EXOC1: variants seen among roughly 807,000 people sequenced by gnomAD.
The protein encoded by EXOC1 is exocyst complex component 1, also known as SEC3-like 1.
EXOC1 carries 67 observed loss-of-function variants against 107.7 expected under a neutral mutation model. The ratio of observed to expected loss-of-function variants is 0.62; its 90% CI spans 0.51 to 0.76. EXOC1 has a LOEUF of 0.76. Among genes scored for constraint, EXOC1 ranks in the 30% least tolerant of loss-of-function variants. The pLI, the probability that EXOC1 is intolerant of heterozygous loss-of-function variation, is 0.00. For synonymous variants in EXOC1, 348 were observed against 353.5 expected, an observed-to-expected ratio of 0.98 and a Z score of 0.17; for missense variants, 833 against 1,055.7, an observed-to-expected ratio of 0.79 and a Z score of 2.92.
At position 55,855,912 on chromosome 4, in the gene EXOC1, A is replaced by G. The variant is rs940591488; in HGVS notation, c.-11+1959A>G. ...GCCAAAAGGAGGAGAGGTTGGGTGA[A>G]GGTGTGGAGAGACGGAGAAGCAAGC... On this transcript the variant is annotated intron_variant, in intron 1 of 18. Coordinates refer to ENST00000381295, the MANE Select transcript of EXOC1 (RefSeq NM_001024924.2). Among the ~76,000 whole-genome samples the G allele has an allele frequency of 3.9e-5, 6 of 152,350 alleles. 1 individual carries two copies. The Middle Eastern group carries it at 0.014, about 348-fold the overall frequency.
chr4:55,877,174 A>G, intron 8 of EXOC1: 5 of 980,878 alleles, frequency 5.1e-6, no homozygotes, highest in Non-Finnish European at 6.1e-6. Context: ...AACTAGTATG[A>G]TACACATTCA....
At position 55,893,645 on chromosome 4, in the gene EXOC1, C is replaced by A; in HGVS notation, c.1818C>A (p.Ser606Arg). 6.2e-7 allele frequency: 1 copy of A among 1,614,026 alleles called. No individual in the cohort carries two copies. The highest frequency in any genetic ancestry group is 8.5e-7 in the Non-Finnish European group (1 of 1,179,982). ...TTGCATTAGGAGACAAAATTGATAG[C>A]TTTAACTCTCTTTATATGTTAGTCA... ...NLIALGDKID[S>R]FNSLYMLVKM... Residue 606 changes from serine (S) to arginine (R), a missense_variant, in exon 15 of 19, where the codon AGC becomes AGA. By Grantham distance (110) the Ser-to-Arg change is moderately radical. Coordinates refer to ENST00000381295, the MANE Select transcript of EXOC1 (RefSeq NM_001024924.2).
chr4:55,892,579 A>G, intron 13 of EXOC1, 56 bp from the exon 14 acceptor site: 1 of 1,441,996 alleles, frequency 6.9e-7, no homozygotes, highest in Non-Finnish European at 9.8e-7. Flanking sequence ...TGCTATATCA[A>G]TACTAGTCAA....
intron 15 of EXOC1, 55 bp downstream of exon 15, chr4:55,893,835 G>T: frequency 7.4e-7 from 1 of 1,355,112 alleles, no homozygotes; most frequent in Non-Finnish European, 1.0e-6. Context: ...GCAAAATATA[G>T]GTAAATGTAT....
At chr4:55,877,573 G>C in intron 8 of EXOC1, 12 of 985,326 alleles carry the variant, frequency 1.2e-5, no homozygotes, top group Non-Finnish European at 1.4e-5. Flanking sequence ...GCTATATCAA[G>C]AAGGTCATTT....
intron 17 of EXOC1, among the ~76,000 whole-genome samples, chr4:55,901,408 TG>T (rs1405038498): frequency 3.9e-5 from 6 of 152,222 alleles, no homozygotes; most frequent in Middle Eastern, 3.4e-3. Context: ...TGAGAGGGAA[TG>T]GGGTTTGTCA....
At position 55,860,503 on chromosome 4, in the gene EXOC1, C is replaced by G. The variant is rs765907837; in HGVS notation, c.217C>G (p.Arg73Gly). 6.2e-7 allele frequency: 1 copy of G among 1,613,904 alleles called. No homozygotes were observed. Among genetic ancestry groups the G allele is most frequent in the African/African-American group, 1.3e-5 (1 of 74,902 alleles). Reference sequence around the variant, plus strand: ...CAAAAGGCAGATTGCATGGGCCCTTCGAGATCTTGCTGTGGTAGATGCCAA... The same window carrying G: ...CAAAAGGCAGATTGCATGGGCCCTTGGAGATCTTGCTGTGGTAGATGCCAA... ...FYKRQIAWAL[R>G]DLAVVDAKDA... is the part of the protein sequence containing the mutation. The change falls in exon 3 of 19, where the codon CGA (arginine) becomes GGA (glycine). Residue 73 changes from arginine to glycine, a missense_variant. Physicochemically the swap from Arg to Gly is moderately radical, Grantham distance 125 (BLOSUM62 -2). Around this residue, in one of 2 missense-constraint regions of EXOC1, gnomAD observed 617 missense variants for 701.3 expected, o/e 0.88. Coordinates refer to ENST00000381295, the MANE Select transcript of EXOC1 (RefSeq NM_001024924.2).
intron 4 of EXOC1, among the ~76,000 whole-genome samples, chr4:55,865,157 A>G (rs1339585422): frequency 6.6e-6 from 1 of 152,242 alleles, no homozygotes; most frequent in East Asian, 1.9e-4. Context: ...TTATGTTACC[A>G]GTATAAAATC....
intron 16 of EXOC1, among the ~76,000 whole-genome samples, chr4:55,897,300 G>A (rs1440493835): frequency 9.2e-5 from 14 of 151,598 alleles, no homozygotes. Flanking sequence ...CTAATTTTTT[G>A]TAGAAAATCA....
intron 4 of EXOC1, among the ~76,000 whole-genome samples, chr4:55,867,918 A>G (rs1020694105): frequency 1.3e-5 from 2 of 152,222 alleles, no homozygotes; most frequent in Admixed American, 1.3e-4. Context: ...CACCTGGGAA[A>G]AAAAGGAAAG....
At chr4:55,874,803 A>C (rs1280593979) in intron 8 of EXOC1, among the ~76,000 whole-genome samples, 1 of 152,194 alleles carries the variant, frequency 6.6e-6, no homozygotes, top group Non-Finnish European at 1.5e-5. Context: ...GTATCTAGAA[A>C]GATCAAGAAT....
At chr4:55,872,205 A>G (rs1722505641) in intron 8 of EXOC1, among the ~76,000 whole-genome samples, 1 of 152,162 alleles carries the variant, frequency 6.6e-6, no homozygotes, top group Non-Finnish European at 1.5e-5. Context: ...TCAAATAACT[A>G]TGCATATGAA....
chr4:55,864,099 C>CAA, intron 3 of EXOC1, 128 bp from the exon 4 acceptor site: 1 of 620,590 alleles, frequency 1.6e-6, no homozygotes, highest in South Asian at 2.6e-5. Flanking sequence ...CTCTTCCTTT[C>CAA]CAGTTGCTTA....
intron 1 of EXOC1, among the ~76,000 whole-genome samples, chr4:55,857,988 A>G (rs1721151435): frequency 6.6e-6 from 1 of 152,026 alleles, no homozygotes; most frequent in South Asian, 2.1e-4. Context: ...TAATGGGGTT[A>G]TTTGTCTTCT....
intron 9 of EXOC1, chr4:55,882,847 A>G (rs928679662): frequency 3.3e-5 from 5 of 152,186 alleles, no homozygotes; most frequent in Non-Finnish European, 5.9e-5. Context: ...CTTAGATTTT[A>G]TGATAAACTT....
chr4:55,884,094 T>A (rs57299829), intron 10 of EXOC1, among the ~76,000 whole-genome samples, 166 bp downstream of exon 10: 6 of 152,200 alleles, frequency 3.9e-5, no homozygotes, highest in Non-Finnish European at 7.4e-5. Flanking sequence ...AGAACAAATA[T>A]GTATATCTGT....
rs1722395016 is a variant in EXOC1, at chr4:55,871,121, A to T, written c.852A>T (p.Lys284Asn). Residue 284 changes from lysine to asparagine, a missense_variant, in exon 7 of 19, where the codon AAA becomes AAT. This residue lies in a region of EXOC1 where 617 missense variants were observed against 701.3 expected (regional missense o/e 0.88). Coordinates refer to ENST00000381295, the MANE Select transcript of EXOC1 (RefSeq NM_001024924.2). ...EFLVNHMDLAKGHIKALQEGD... is the reference protein window; with the variant it reads ...EFLVNHMDLANGHIKALQEGD... ...TCTAGAACCACATGGACTTGGCCAA[A>T]GGTCATATAAAGGCCCTTCAGGAAG... 2 of 1,613,882 alleles carry T rather than the reference A, an allele frequency of 1.2e-6. No homozygotes were observed. Among genetic ancestry groups the T allele is most frequent in the Non-Finnish European group, 1.7e-6 (2 of 1,179,862 alleles).
intron 7 of EXOC1, 98 bp downstream of exon 7, chr4:55,871,331 G>T: frequency 1.4e-6 from 2 of 1,396,956 alleles, no homozygotes; most frequent in Non-Finnish European, 9.6e-7. Context: ...GAGACAAGTG[G>T]TTTAAGGGTT....
chr4:55,862,316 ATT>A (rs201169091), intron 3 of EXOC1, among the ~76,000 whole-genome samples: 16 of 146,116 alleles, frequency 1.1e-4, no homozygotes, highest in African/African-American at 3.3e-4. Context: ...TGCTTAATGG[ATT>A]TTTTTTTTTT....
Sources: allele counts gnomAD v4.1 joint callset (sites outside exome capture counted in the v4.1 genomes callset), GRCh38; gene constraint gnomAD v4.1.1; regional missense constraint gnomAD v4.1.1; transcripts MANE v1.5; gene names NCBI Gene and HGNC (gene_info 2026-07-23, HGNC 2026-07-21).